Variants in SLC16A10 observed in about 807,000 individuals in gnomAD.
SLC16A10 encodes the protein monocarboxylate transporter 10.
A neutral mutation model predicts 40.0 loss-of-function variants in SLC16A10; 27 were observed. That is an observed-to-expected ratio of 0.67 (90% CI 0.50 to 0.93). The LOEUF (loss-of-function observed/expected upper bound fraction) is 0.93. Ranked by LOEUF, SLC16A10 falls within the 40% of genes least tolerant of loss-of-function variation. The pLI is 0.00. For synonymous variants in SLC16A10, 213 were observed against 249.8 expected (o/e 0.85, Z 1.39); for missense variants, 529 against 658.2 (o/e 0.80, Z 2.15).
intron 1 of SLC16A10, among the ~76,000 whole-genome samples, chr6:111,153,208 G>T (rs910234508): frequency 6.6e-6 from 1 of 152,124 alleles, no homozygotes; most frequent in Non-Finnish European, 1.5e-5. Flanking sequence ...TCTTTAAAAG[G>T]TTCCCTAGCT....
chr6:111,114,706 G>A (rs1278567790), intron 1 of SLC16A10, among the ~76,000 whole-genome samples: 1 of 152,050 alleles, frequency 6.6e-6, no homozygotes, highest in Admixed American at 6.6e-5. Context: ...ATGGAGGGGG[G>A]AGGCCAGAGG....
At chr6:111,183,949 G>C (rs1432143129) in intron 3 of SLC16A10, among the ~76,000 whole-genome samples, 1 of 152,186 alleles carries the variant, frequency 6.6e-6, no homozygotes. Flanking sequence ...GGCCTCGTGA[G>C]ATAACTGATA....
chr6:111,092,571 C>T (rs1281978711), intron 1 of SLC16A10, among the ~76,000 whole-genome samples: 1 of 150,486 alleles, frequency 6.6e-6, no homozygotes, highest in Admixed American at 6.6e-5. Context: ...GCCTCGGCTT[C>T]CCAAAGTGCT....
chr6:111,195,634 G>A (rs1425449749), intron 3 of SLC16A10, among the ~76,000 whole-genome samples: 3 of 152,184 alleles, frequency 2.0e-5, no homozygotes, highest in African/African-American at 7.2e-5. Context: ...CCTAAATGGT[G>A]AACCAAATTG....
At position 111,175,565 on chromosome 6, in the gene SLC16A10, T is replaced by G. The variant is rs114467319; in HGVS notation, c.489-1647T>G. Among the ~76,000 whole-genome samples the G allele has an allele frequency of 8.2e-3, 1,255 of 152,340 alleles. 27 individuals are homozygous for G. Among genetic ancestry groups the G allele is most frequent in the African/African-American group, 0.029 (1,193 of 41,568 alleles). ...ATAAGCACTTTAAGTAAGTTACAAT[T>G]ATCTGGAAAACTACTTAGGTGGAAA... On this transcript the variant is annotated intron_variant, in intron 2 of 5. Transcript: ENST00000368851.
chr6:111,101,828 C>T (rs1771194559), intron 1 of SLC16A10, among the ~76,000 whole-genome samples: 1 of 152,184 alleles, frequency 6.6e-6, no homozygotes, highest in Non-Finnish European at 1.5e-5. Context: ...GCCGTGTTGG[C>T]CAGGCTGGTC....
chr6:111,100,512 C>T (rs1771155540), intron 1 of SLC16A10, among the ~76,000 whole-genome samples: 1 of 152,062 alleles, frequency 6.6e-6, no homozygotes, highest in Admixed American at 6.5e-5. Flanking sequence ...CTTCAGCTTC[C>T]TGAGTAGCTA....
chr6:111,210,956 G>A (rs1161733707), intron 4 of SLC16A10, among the ~76,000 whole-genome samples: 1 of 151,412 alleles, frequency 6.6e-6, no homozygotes, highest in East Asian at 1.9e-4. Context: ...CTGGGAGGCA[G>A]AGGTTGCAGT....
chr6:111,193,290 C>T (rs764289331), intron 3 of SLC16A10: 24 of 985,732 alleles, frequency 2.4e-5, no homozygotes, highest in Non-Finnish European at 2.9e-5. Flanking sequence ...TATTTTCCTT[C>T]AGATCTCAAC....
chr6:111,122,162 G>A (rs1466970680), intron 1 of SLC16A10, among the ~76,000 whole-genome samples: 2 of 152,176 alleles, frequency 1.3e-5, no homozygotes, highest in Non-Finnish European at 2.9e-5. Context: ...AGTGTTGTGG[G>A]GAGTGATGGT....
In SLC16A10 at chr6:111,122,479, G is replaced by A. The variant is rs1771601111; in HGVS notation, c.343+34384G>A. Among the ~76,000 whole-genome samples, 3 of 152,262 alleles carry A rather than the reference G, an allele frequency of 2.0e-5. No homozygotes were observed. In the South Asian group the frequency reaches 6.2e-4, roughly 32 times the overall value. On this transcript the variant is annotated intron_variant, in intron 1 of 5. Coordinates refer to ENST00000368851, the MANE Select transcript of SLC16A10 (RefSeq NM_018593.5). ...CCCTTTGTTCACTGTGGGCTGGCTG[G>A]GGAGGAACCCTTGCCTTTAAAGAAC...
intron 1 of SLC16A10, among the ~76,000 whole-genome samples, chr6:111,144,273 G>A (rs865933929): frequency 2.6e-5 from 4 of 151,974 alleles, no homozygotes; most frequent in East Asian, 3.9e-4. Context: ...GCACGATTTC[G>A]GCTCACTGCA....
At chr6:111,157,377 G>A (rs190985062) in intron 1 of SLC16A10, among the ~76,000 whole-genome samples, 7 of 151,876 alleles carry the variant, frequency 4.6e-5, no homozygotes, top group Admixed American at 3.3e-4. Flanking sequence ...TCCACTTCCC[G>A]GGTTCAAGCG....
intron 1 of SLC16A10, among the ~76,000 whole-genome samples, chr6:111,108,107 C>T (rs998039549): frequency 1.3e-5 from 2 of 152,046 alleles, no homozygotes; most frequent in African/African-American, 4.8e-5. Context: ...GCAACCTCCA[C>T]CTGCCAGGTT....
chr6:111,107,850 A>G (rs1771311811), intron 1 of SLC16A10, among the ~76,000 whole-genome samples: 1 of 152,148 alleles, frequency 6.6e-6, no homozygotes, highest in South Asian at 2.1e-4. Context: ...ATATTTGCTT[A>G]TTGTGTGTGT....
intron 1 of SLC16A10, among the ~76,000 whole-genome samples, chr6:111,088,813 A>C (rs1052444502): frequency 6.6e-6 from 1 of 152,100 alleles, no homozygotes; most frequent in African/African-American, 2.4e-5. Context: ...AAAGGTGCAG[A>C]TTCAGCGTTT....
Position 111,208,113 on chromosome 6 carries a change from T to C in SLC16A10, c.1086+1378T>C, listed in dbSNP as rs1441518789. On this transcript the variant is annotated intron_variant, in intron 4 of 5. Coordinates refer to ENST00000368851, the MANE Select transcript of SLC16A10 (RefSeq NM_018593.5). ...ACTCCTGAGTAGATGGGACTACAGGTGCGTGCCACCATGCCTGGCTAATTT... is the reference window on the plus strand; with the variant it reads ...ACTCCTGAGTAGATGGGACTACAGGCGCGTGCCACCATGCCTGGCTAATTT... Among the ~76,000 whole-genome samples, 2 of 152,026 alleles carry C rather than the reference T, an allele frequency of 1.3e-5. 1 individual carries two copies. The highest frequency in any genetic ancestry group is 1.3e-4 in the Admixed American group (2 of 15,274).
At position 111,174,709 on chromosome 6, in the gene SLC16A10, C is replaced by T. The variant is rs548346680; in HGVS notation, c.488+1870C>T. ...CTGGAAGCTTCCAGGTACCTATTGT[C>T]AGTACTTGTGGCTCTACCACTTGCC... On this transcript the variant is annotated intron_variant, in intron 2 of 5. Coordinates refer to ENST00000368851, the MANE Select transcript of SLC16A10 (RefSeq NM_018593.5). 6.6e-5 allele frequency among the ~76,000 whole-genome samples: 10 copies of T among 152,224 alleles called. No homozygotes were observed. In the South Asian group the frequency reaches 2.1e-3, roughly 32 times the overall value.
At chr6:111,163,827 GTA>G (rs1772421262) in intron 1 of SLC16A10, among the ~76,000 whole-genome samples, 2 of 152,026 alleles carry the variant, frequency 1.3e-5, no homozygotes, top group South Asian at 4.1e-4. Flanking sequence ...TTTTAAAAAG[GTA>G]AAAACCTTTA....
Sources: gnomAD v4.1 joint callset for allele counts (sites outside exome capture counted in the v4.1 genomes callset) on GRCh38, gnomAD v4.1.1 for gene constraint, MANE v1.5 for transcripts, NCBI Gene and HGNC (gene_info 2026-07-23, HGNC 2026-07-21) for gene names.